Variants in RANBP2 observed in about 807,000 individuals in gnomAD.
RANBP2 encodes the protein RAN binding protein 2, also known as E3 SUMO-protein ligase RanBP2.
In RANBP2, 57 loss-of-function variants were observed where a neutral mutation model predicts 303.6. The observed-to-expected ratio is 0.19, with a 90% CI of 0.15 to 0.23. RANBP2 has a LOEUF of 0.23. Among genes scored for constraint, RANBP2 ranks in the 10% least tolerant of loss-of-function variants. RANBP2 has a pLI of 1.00. For missense variants in RANBP2, 3,138 were observed against 3,780.8 expected (o/e 0.83, Z 4.46); for synonymous variants, 1,167 against 1,301.5 (o/e 0.90, Z 2.23).
intron 8 of RANBP2, among the ~76,000 whole-genome samples, chr2:108,747,086 G>A (rs1573753695): frequency 1.3e-5 from 2 of 152,186 alleles, no homozygotes; most frequent in African/African-American, 4.8e-5. Flanking sequence ...CCTGAACTAA[G>A]TATAATTATT....
chr2:109,585,436 A>G, the RANBP2 span: 1 of 863,550 alleles, frequency 1.2e-6, no homozygotes, highest in Non-Finnish European at 1.8e-6. Context: ...CAGGGTGCGC[A>G]TGAAAGAAAT....
the RANBP2 span, chr2:109,552,479 TG>T: frequency 6.6e-6 from 1 of 152,244 alleles, no homozygotes; most frequent in Non-Finnish European, 1.5e-5. Context: ...CCATTTCTAA[TG>T]GAAGAATATT....
At chr2:109,123,337 TCC>T in the RANBP2 span, among the ~76,000 whole-genome samples, 1 of 140,164 alleles carries the variant, frequency 7.1e-6, no homozygotes, top group African/African-American at 3.1e-5. Flanking sequence ...CTTCCTTCCT[TCC>T]TTCCTTCCTT....
the RANBP2 span, among the ~76,000 whole-genome samples, chr2:109,410,883 A>AC: frequency 6.6e-6 from 1 of 152,170 alleles, no homozygotes; most frequent in Non-Finnish European, 1.5e-5. Context: ...GATAGGATGA[A>AC]CATCTGTCTG....
chr2:109,044,541 T>C, the RANBP2 span, among the ~76,000 whole-genome samples: 31 of 151,928 alleles, frequency 2.0e-4, 2 homozygotes, highest in East Asian at 6.0e-3. Context: ...AATAAATAAA[T>C]AAATAAAAAT....
chr2:109,087,525 G>T, the RANBP2 span, among the ~76,000 whole-genome samples: 1 of 152,116 alleles, frequency 6.6e-6, no homozygotes, highest in African/African-American at 2.4e-5. Flanking sequence ...GGTCAACTAC[G>T]TTTAAACTGT....
the RANBP2 span, among the ~76,000 whole-genome samples, chr2:109,433,188 G>C: frequency 6.6e-6 from 1 of 152,198 alleles, no homozygotes; most frequent in Non-Finnish European, 1.5e-5. Flanking sequence ...TGTATGCAGT[G>C]TGTATGCATG....
the RANBP2 span, among the ~76,000 whole-genome samples, chr2:108,989,824 G>A: frequency 4.6e-5 from 7 of 151,546 alleles, no homozygotes; most frequent in African/African-American, 1.7e-4. Context: ...TTGGGGGGGG[G>A]AAAACAGCCT....
the RANBP2 span, among the ~76,000 whole-genome samples, chr2:109,321,133 C>G: frequency 6.6e-6 from 1 of 152,242 alleles, no homozygotes; most frequent in Non-Finnish European, 1.5e-5. Flanking sequence ...CACGGACACA[C>G]AAGACGCCAT....
the RANBP2 span, among the ~76,000 whole-genome samples, chr2:109,677,349 G>C: frequency 6.6e-6 from 1 of 152,160 alleles, no homozygotes. Context: ...GGGGCAGGGG[G>C]CTTGTGTTCT....
At chr2:109,000,506 C>T in the RANBP2 span, among the ~76,000 whole-genome samples, 1 of 152,146 alleles carries the variant, frequency 6.6e-6, no homozygotes, top group African/African-American at 2.4e-5. Context: ...GCACTCCAGC[C>T]TGGGTGACAG....
the RANBP2 span, among the ~76,000 whole-genome samples, chr2:109,119,446 A>T: frequency 6.6e-6 from 1 of 152,216 alleles, no homozygotes; most frequent in South Asian, 2.1e-4. Flanking sequence ...ATGATTTAGG[A>T]TATACTTCTG....
At chr2:109,492,623 T>C in the RANBP2 span, among the ~76,000 whole-genome samples, 1 of 152,152 alleles carries the variant, frequency 6.6e-6, no homozygotes, top group African/African-American at 2.4e-5. Flanking sequence ...TATCCTCGTT[T>C]TACAGATGAG....
the RANBP2 span, among the ~76,000 whole-genome samples, chr2:109,221,993 A>C: frequency 8.6e-5 from 13 of 151,364 alleles, no homozygotes; most frequent in South Asian, 2.1e-4. Flanking sequence ...AAAAAAAAAA[A>C]CACAGGGGAT....
chr2:108,974,467 C>T, the RANBP2 span, among the ~76,000 whole-genome samples: 1 of 151,278 alleles, frequency 6.6e-6, no homozygotes, highest in South Asian at 2.1e-4. Flanking sequence ...CATGGTGGCT[C>T]ACGTCTGTAA....
At chr2:108,883,354 T>G in the RANBP2 span, 1 of 152,256 alleles carries the variant, frequency 6.6e-6, no homozygotes. Flanking sequence ...TGTGCACTAT[T>G]TACTGAGCAC....
the RANBP2 span, among the ~76,000 whole-genome samples, chr2:109,006,114 G>A: frequency 1.3e-5 from 2 of 152,196 alleles, no homozygotes; most frequent in Non-Finnish European, 2.9e-5. Context: ...GGGTTGCGGG[G>A]GAACAATGTG....
At chr2:109,344,224 A>G in the RANBP2 span, among the ~76,000 whole-genome samples, 1 of 152,222 alleles carries the variant, frequency 6.6e-6, no homozygotes, top group African/African-American at 2.4e-5. Context: ...TTAGTGGCGT[A>G]GAAGCTAAGG....
chr2:109,251,500 G>A, the RANBP2 span: 1 of 742,320 alleles, frequency 1.3e-6, no homozygotes, highest in Non-Finnish European at 2.5e-6. Flanking sequence ...TGGCAGACAT[G>A]TCCAAGGAAT....
Sources: gnomAD v4.1 joint callset for allele counts (sites outside exome capture counted in the v4.1 genomes callset) on GRCh38, gnomAD v4.1.1 for gene constraint, MANE v1.5 for transcripts, NCBI Gene and HGNC (gene_info 2026-07-23, HGNC 2026-07-21) for gene names.